Variants in XKR9 observed in about 807,000 individuals in gnomAD.
XKR9 encodes the protein XK-related protein 9.
Under a neutral mutation model 32.0 loss-of-function variants are expected in XKR9, and 32 were observed. That is an observed-to-expected ratio of 1.00 (90% CI 0.76 to 1.34). The LOEUF is 1.34. Among genes scored for constraint, XKR9 ranks in the 40% most tolerant of loss-of-function variants. The probability of loss-of-function intolerance (pLI) is 0.00; values close to 1 mark genes in which losing one functional copy is unlikely to be tolerated. For synonymous variants in XKR9, 168 were observed against 143.4 expected (o/e 1.17, Z -1.22); for missense variants, 546 against 429.7 (o/e 1.27, Z -2.39).
At chr8:70,836,527 T>A in the XKR9 span, among the ~76,000 whole-genome samples, 7 of 152,052 alleles carry the variant, frequency 4.6e-5, no homozygotes, top group Non-Finnish European at 8.8e-5. Context: ...TCCTTATATT[T>A]CTGACTATTA....
chr8:70,712,219 A>T (rs1337203123), intron 4 of XKR9, among the ~76,000 whole-genome samples: 1 of 152,124 alleles, frequency 6.6e-6, no homozygotes, highest in Non-Finnish European at 1.5e-5. Flanking sequence ...AGGTTATTTA[A>T]ATCAACCCTT....
chr8:70,739,395 C>T (rs1266916722), downstream of XKR9, among the ~76,000 whole-genome samples: 2 of 152,204 alleles, frequency 1.3e-5, no homozygotes, highest in Non-Finnish European at 2.9e-5. Context: ...GAATACAGCA[C>T]ACTGATGGGT....
chr8:70,964,604 T>G, the XKR9 span, among the ~76,000 whole-genome samples: 2 of 152,220 alleles, frequency 1.3e-5, no homozygotes, highest in African/African-American at 4.8e-5. Context: ...GTTTTTCCAT[T>G]TGTTTGTGTC....
At chr8:70,770,653 T>C (rs1198766181) in intron 2 of XKR9, among the ~76,000 whole-genome samples, 1 of 152,150 alleles carries the variant, frequency 6.6e-6, no homozygotes, top group East Asian at 1.9e-4. Flanking sequence ...CTACAGGAGC[T>C]TTGCTGCACT....
At chr8:70,818,392 T>C in the XKR9 span, among the ~76,000 whole-genome samples, 1 of 152,214 alleles carries the variant, frequency 6.6e-6, no homozygotes, top group Non-Finnish European at 1.5e-5. Flanking sequence ...AATTACATTT[T>C]ATGTTTACTT....
the XKR9 span, among the ~76,000 whole-genome samples, chr8:70,915,138 C>T: frequency 6.6e-6 from 1 of 151,990 alleles, no homozygotes. Flanking sequence ...GTTTACCAAT[C>T]TGGGTGGTAC....
chr8:70,719,554 A>G (rs1048401804), intron 4 of XKR9, among the ~76,000 whole-genome samples: 1 of 152,146 alleles, frequency 6.6e-6, no homozygotes, highest in Non-Finnish European at 1.5e-5. Context: ...CATTTATTAA[A>G]TAGGGAATCC....
chr8:70,739,492 G>A (rs1454350054), downstream of XKR9, among the ~76,000 whole-genome samples: 2 of 152,122 alleles, frequency 1.3e-5, no homozygotes, highest in Admixed American at 6.6e-5. Context: ...TGTTATGTGC[G>A]AATTTGATCC....
At chr8:70,788,373 T>C (rs1476838858) in intron 2 of XKR9, among the ~76,000 whole-genome samples, 1 of 152,128 alleles carries the variant, frequency 6.6e-6, no homozygotes, top group Admixed American at 6.6e-5. Flanking sequence ...TCGTGGAGCA[T>C]TCTTGCTATG....
At chr8:70,732,332 C>T (rs975343465) in intron 4 of XKR9, among the ~76,000 whole-genome samples, 4 of 152,220 alleles carry the variant, frequency 2.6e-5, no homozygotes, top group African/African-American at 7.2e-5. Context: ...GAGGGGGCTA[C>T]AGTTACGGGA....
At chr8:70,855,048 A>G in the XKR9 span, among the ~76,000 whole-genome samples, 3 of 152,062 alleles carry the variant, frequency 2.0e-5, no homozygotes, top group East Asian at 3.8e-4. Flanking sequence ...GTTTTTTCCA[A>G]TTCTGTGAAG....
chr8:70,685,579 T>C (rs1339172245), intron 3 of XKR9, among the ~76,000 whole-genome samples: 3 of 151,210 alleles, frequency 2.0e-5, no homozygotes, highest in Non-Finnish European at 2.9e-5. Context: ...TTCATGTCCT[T>C]TGCAGGAACA....
chr8:70,850,522 G>A, the XKR9 span, among the ~76,000 whole-genome samples: 2 of 144,700 alleles, frequency 1.4e-5, no homozygotes, highest in Non-Finnish European at 3.0e-5. Flanking sequence ...GATAAACATC[G>A]ATGCAAAAAT....
intron 3 of XKR9, among the ~76,000 whole-genome samples, chr8:70,697,090 C>A (rs1165124896): frequency 6.6e-6 from 1 of 151,022 alleles, no homozygotes; most frequent in Non-Finnish European, 1.5e-5. Context: ...TGGGCTGAGA[C>A]AATGGGGTTT....
At chr8:70,866,569 AT>A in the XKR9 span, among the ~76,000 whole-genome samples, 4 of 151,744 alleles carry the variant, frequency 2.6e-5, no homozygotes, top group African/African-American at 9.7e-5. Flanking sequence ...TGGTAGGAGT[AT>A]TTCTTGTTCT....
the XKR9 span, among the ~76,000 whole-genome samples, chr8:70,935,916 C>CA: frequency 6.6e-6 from 1 of 151,934 alleles, no homozygotes; most frequent in Admixed American, 6.6e-5. Context: ...GAAATCTATA[C>CA]AAAAAACCAA....
chr8:70,733,120 G>T (rs1382128865), intron 4 of XKR9, among the ~76,000 whole-genome samples: 1 of 152,100 alleles, frequency 6.6e-6, no homozygotes, highest in Non-Finnish European at 1.5e-5. Flanking sequence ...AAGAAGGAAA[G>T]AAATAAAGAG....
chr8:70,711,601 A>G (rs1215898491), intron 4 of XKR9, among the ~76,000 whole-genome samples: 1 of 152,052 alleles, frequency 6.6e-6, no homozygotes, highest in Non-Finnish European at 1.5e-5. Context: ...CAAAGAGGGG[A>G]ACAATAGACA....
downstream of XKR9, among the ~76,000 whole-genome samples, chr8:70,739,328 T>G (rs1806923959): frequency 6.6e-6 from 1 of 152,216 alleles, no homozygotes; most frequent in African/African-American, 2.4e-5. Flanking sequence ...TGGTACATCT[T>G]CCTCCATCCT....
Sources: gnomAD v4.1 joint callset for allele counts (sites outside exome capture counted in the v4.1 genomes callset) on GRCh38, gnomAD v4.1.1 for gene constraint, MANE v1.5 for transcripts, NCBI Gene and HGNC (gene_info 2026-07-23, HGNC 2026-07-21) for gene names.